GRM1: variants seen among roughly 807,000 people sequenced by gnomAD.
GRM1 encodes the protein metabotropic glutamate receptor 1.
Under a neutral mutation model 90.9 loss-of-function variants are expected in GRM1, and 33 were observed. The ratio of observed to expected loss-of-function variants is 0.36; its 90% CI spans 0.28 to 0.49. The LOEUF (loss-of-function observed/expected upper bound fraction) is 0.49. Among genes scored for constraint, GRM1 ranks in the 20% least tolerant of loss-of-function variants. The pLI is 0.99. For synonymous variants in GRM1, 700 were observed against 613.2 expected (o/e 1.14, Z -2.09); for missense variants, 1,190 against 1,534.3 (o/e 0.78, Z 3.75).
At chr6:146,423,274 CTT>C (rs1349135358) in intron 7 of GRM1, among the ~76,000 whole-genome samples, 1 of 152,196 alleles carries the variant, frequency 6.6e-6, no homozygotes, top group African/African-American at 2.4e-5. Context: ...AAGTCAACCT[CTT>C]TCTCTCAGTT....
At chr6:146,321,657 T>G (rs574247899) in intron 3 of GRM1, among the ~76,000 whole-genome samples, 5 of 152,202 alleles carry the variant, frequency 3.3e-5, no homozygotes, top group Non-Finnish European at 7.3e-5. Context: ...GCTCCTGTAT[T>G]GGGTGCATAT....
At chr6:146,119,249 G>C (rs1387338195) in intron 1 of GRM1, among the ~76,000 whole-genome samples, 1 of 152,208 alleles carries the variant, frequency 6.6e-6, no homozygotes, top group Non-Finnish European at 1.5e-5. Context: ...CTTTTGAGAA[G>C]TGTCTGTTCA....
intron 1 of GRM1, among the ~76,000 whole-genome samples, chr6:146,051,155 G>T (rs1791509245): frequency 6.6e-6 from 1 of 152,022 alleles, no homozygotes; most frequent in African/African-American, 2.4e-5. Flanking sequence ...GTGACTTTAG[G>T]TGAGTCACTG....
chr6:146,357,904 A>G (rs1004217239), intron 5 of GRM1, among the ~76,000 whole-genome samples: 1 of 152,230 alleles, frequency 6.6e-6, no homozygotes, highest in Non-Finnish European at 1.5e-5. Flanking sequence ...CATAGTCTTT[A>G]CTTGAATCAC....
At chr6:146,173,515 A>G (rs959219484) in intron 2 of GRM1, among the ~76,000 whole-genome samples, 2 of 151,970 alleles carry the variant, frequency 1.3e-5, no homozygotes, top group African/African-American at 4.8e-5. Context: ...GAATAAACTG[A>G]TTTTGATGAA....
chr6:146,188,049 A>G (rs966984234), intron 2 of GRM1, among the ~76,000 whole-genome samples: 8 of 152,152 alleles, frequency 5.3e-5, no homozygotes, highest in Admixed American at 2.6e-4. Context: ...ATCTCTGCAC[A>G]TAATTATCAC....
At chr6:146,274,701 T>G (rs2114835354) in intron 2 of GRM1, among the ~76,000 whole-genome samples, 1 of 152,288 alleles carries the variant, frequency 6.6e-6, no homozygotes, top group Middle Eastern at 3.4e-3. Flanking sequence ...TGATATAGGC[T>G]TGAAATAGTA....
chr6:146,073,667 A>G (rs929002705), intron 1 of GRM1, among the ~76,000 whole-genome samples: 5 of 152,180 alleles, frequency 3.3e-5, no homozygotes, highest in Admixed American at 3.3e-4. Context: ...AAAACTGGTA[A>G]TGATGGGGGA....
At chr6:146,160,081 C>T (rs908984702) in intron 2 of GRM1, among the ~76,000 whole-genome samples, 1 of 151,830 alleles carries the variant, frequency 6.6e-6, no homozygotes, top group African/African-American at 2.4e-5. Flanking sequence ...ACACCCAAGC[C>T]GATGCTTATG....
intron 6 of GRM1, among the ~76,000 whole-genome samples, chr6:146,390,446 C>A (rs926616722): frequency 6.6e-6 from 1 of 151,862 alleles, no homozygotes; most frequent in Non-Finnish European, 1.5e-5. Context: ...AAACAGGGAT[C>A]TTTTCTACCA....
rs546534862 is a variant in GRM1 at position 146,286,568 on chromosome 6, T to A, written c.951-18043T>A. ...TCACAGGAATCTTTGCAAGAATGAGTTATTTAGATTTTGCCATGTGTCAGT... is the reference window on the plus strand; with the variant it reads ...TCACAGGAATCTTTGCAAGAATGAGATATTTAGATTTTGCCATGTGTCAGT... On this transcript the variant is annotated intron_variant, in intron 2 of 7. Coordinates refer to ENST00000282753, the MANE Select transcript of GRM1 (RefSeq NM_001278064.2). 2.6e-5 allele frequency among the ~76,000 whole-genome samples: 4 copies of A among 152,260 alleles called. 1 individual carries two copies. The South Asian group carries it at 8.3e-4, about 32-fold the overall frequency.
At chr6:146,426,925 G>A (rs1346406061) in intron 7 of GRM1, among the ~76,000 whole-genome samples, 1 of 151,902 alleles carries the variant, frequency 6.6e-6, no homozygotes, top group Non-Finnish European at 1.5e-5. Context: ...CCACTCACAA[G>A]CCCGAAAGTG....
At chr6:146,270,900 T>TTC (rs1782116242) in intron 2 of GRM1, among the ~76,000 whole-genome samples, 1 of 115,208 alleles carries the variant, frequency 8.7e-6, no homozygotes, top group African/African-American at 4.4e-5. Context: ...TTTCTTTCTT[T>TTC]CTTTCTTTCT....
intron 1 of GRM1, among the ~76,000 whole-genome samples, chr6:146,137,842 T>C (rs531364179): frequency 1.1e-4 from 16 of 152,320 alleles, no homozygotes; most frequent in Non-Finnish European, 8.8e-5. Context: ...ATCAGTGTTT[T>C]ATAATTTTCA....
chr6:146,237,272 T>A (rs1435764556), intron 2 of GRM1, among the ~76,000 whole-genome samples: 1 of 152,096 alleles, frequency 6.6e-6, no homozygotes. Context: ...TGATGCTTAT[T>A]TTTGATAAGT....
intron 2 of GRM1, among the ~76,000 whole-genome samples, chr6:146,280,034 T>C (rs767275336): frequency 2.6e-5 from 4 of 152,216 alleles, no homozygotes; most frequent in Non-Finnish European, 5.9e-5. Flanking sequence ...TGGGTTGATT[T>C]CTTTTGGTCA....
rs370746992 is a variant in GRM1 at position 146,398,779 on chromosome 6, C to T, written c.1740C>T (p.Pro580=). The T allele has an allele frequency of 6.2e-7, 1 of 1,609,322 alleles. No individual in the cohort carries two copies. The highest frequency in any genetic ancestry group is 8.5e-7 in the Non-Finnish European group (1 of 1,175,626). The change falls in exon 7 of 8, where the codon CCC becomes CCT. Residue 580 remains proline, a synonymous_variant. Coordinates refer to ENST00000282753, the MANE Select transcript of GRM1 (RefSeq NM_001278064.2). ...WPNADLTGCE[P]IPVRYLEWSN... is the part of the protein sequence containing the mutation. ...TTTTTCTCATCACAGGCTGTGAGCC[C>T]ATTCCTGTGCGCTATCTTGAGTGGA...
At chr6:146,089,824 A>G (rs1456538698) in intron 1 of GRM1, among the ~76,000 whole-genome samples, 1 of 152,116 alleles carries the variant, frequency 6.6e-6, no homozygotes, top group Non-Finnish European at 1.5e-5. Context: ...TCAAAAGAAT[A>G]AAGAGATATC....
intron 1 of GRM1, among the ~76,000 whole-genome samples, chr6:146,131,333 G>T (rs1414835563): frequency 6.6e-6 from 1 of 151,796 alleles, no homozygotes; most frequent in Non-Finnish European, 1.5e-5. Flanking sequence ...AGAATTTTTT[G>T]TGTGGCAATG....
Sources: allele counts gnomAD v4.1 joint callset (sites outside exome capture counted in the v4.1 genomes callset), GRCh38; gene constraint gnomAD v4.1.1; transcripts MANE v1.5; gene names NCBI Gene and HGNC (gene_info 2026-07-23, HGNC 2026-07-21).